Variants in EXOC2 observed in about 807,000 individuals in gnomAD.
EXOC2 encodes exocyst complex component 2.
A neutral mutation model predicts 131.8 loss-of-function variants in EXOC2; 70 were observed. The ratio of observed to expected loss-of-function variants is 0.53; its 90% CI spans 0.44 to 0.65. The LOEUF (loss-of-function observed/expected upper bound fraction) is 0.65. Ranked by LOEUF, EXOC2 falls within the 30% of genes least tolerant of loss-of-function variation. The probability of loss-of-function intolerance (pLI) is 0.00; values close to 1 mark genes in which losing one functional copy is unlikely to be tolerated. For synonymous variants in EXOC2, 411 were observed against 398.4 expected, an observed-to-expected ratio of 1.03 and a Z score of -0.38; for missense variants, 923 against 1,108.6, an observed-to-expected ratio of 0.83 and a Z score of 2.38.
chr6:552,308 C>G (rs144713899), intron 21 of EXOC2, among the ~76,000 whole-genome samples: 1 of 152,238 alleles, frequency 6.6e-6, no homozygotes, highest in Non-Finnish European at 1.5e-5. Flanking sequence ...GTGTGTCGTT[C>G]CCTAATGCTT....
intron 11 of EXOC2, among the ~76,000 whole-genome samples, chr6:584,368 AG>A (rs1759085815): frequency 6.6e-6 from 1 of 152,242 alleles, no homozygotes; most frequent in African/African-American, 2.4e-5. Flanking sequence ...AAGATATAAC[AG>A]TTTATACTAT....
intron 11 of EXOC2, among the ~76,000 whole-genome samples, chr6:591,786 A>G (rs1159872260): frequency 6.6e-6 from 1 of 152,164 alleles, no homozygotes; most frequent in Non-Finnish European, 1.5e-5. Context: ...TCTCCAAATG[A>G]TAGTATACAA....
chr6:623,726 C>T (rs928947588), intron 4 of EXOC2, among the ~76,000 whole-genome samples: 2 of 152,186 alleles, frequency 1.3e-5, no homozygotes, highest in Non-Finnish European at 2.9e-5. Flanking sequence ...TTGTCATATT[C>T]CCCCTGCTCT....
At chr6:620,155 C>A (rs756352429) in intron 4 of EXOC2, among the ~76,000 whole-genome samples, 11 of 152,234 alleles carry the variant, frequency 7.2e-5, no homozygotes, top group Non-Finnish European at 1.3e-4. Flanking sequence ...AGACTGACTT[C>A]TGGATCAATT....
At chr6:494,214 A>T (rs1189873075) in intron 25 of EXOC2, among the ~76,000 whole-genome samples, 1 of 152,224 alleles carries the variant, frequency 6.6e-6, no homozygotes, top group East Asian at 1.9e-4. Flanking sequence ...TCCCCTAACC[A>T]AATTAACAAG....
intron 11 of EXOC2, among the ~76,000 whole-genome samples, chr6:585,267 C>A (rs376261270): frequency 1.1e-4 from 16 of 152,210 alleles, no homozygotes; most frequent in East Asian, 9.6e-4. Context: ...CTTTTTCCAC[C>A]CTTAGAAAAA....
At chr6:592,683 G>C in intron 10 of EXOC2, 96 bp from the exon 11 acceptor site, 2 of 827,154 alleles carry the variant, frequency 2.4e-6, no homozygotes, top group Non-Finnish European at 4.0e-6. Flanking sequence ...AATTAGTCTT[G>C]TGCCCTGTCA....
At chr6:680,919 C>T (rs1233715812) in intron 1 of EXOC2, among the ~76,000 whole-genome samples, 2 of 152,170 alleles carry the variant, frequency 1.3e-5, no homozygotes, top group African/African-American at 2.4e-5. Context: ...GCCGGGCTGA[C>T]CAGATCTGGG....
chr6:656,189 G>A, intron 1 of EXOC2: 1 of 1,614,152 alleles, frequency 6.2e-7, no homozygotes, highest in Non-Finnish European at 8.5e-7. Context: ...CCCAAATATT[G>A]CACAGGGCCG....
intron 23 of EXOC2, chr6:524,123 G>A (rs144168810): frequency 1.3e-5 from 2 of 152,268 alleles, no homozygotes; most frequent in Non-Finnish European, 2.9e-5. Context: ...AGCAATATAT[G>A]CTGAGTGGAA....
At chr6:557,275 TA>T (rs1364323131) in intron 17 of EXOC2, among the ~76,000 whole-genome samples, 1 of 152,080 alleles carries the variant, frequency 6.6e-6, no homozygotes, top group Non-Finnish European at 1.5e-5. Context: ...CAAAATGGTT[TA>T]AAAAAGTATA....
At chr6:573,667 T>A (rs1430645077) in intron 12 of EXOC2, among the ~76,000 whole-genome samples, 2 of 145,586 alleles carry the variant, frequency 1.4e-5, no homozygotes, top group Non-Finnish European at 3.0e-5. Context: ...TTAATAAAAT[T>A]TCTTAATTTT....
intron 17 of EXOC2, among the ~76,000 whole-genome samples, chr6:561,770 G>C (rs1757711072): frequency 6.6e-6 from 1 of 152,122 alleles, no homozygotes; most frequent in African/African-American, 2.4e-5. Context: ...ATTTTTAGTA[G>C]AGACGGGGTT....
intron 12 of EXOC2, 38 bp from the exon 13 acceptor site, chr6:572,682 C>G: frequency 1.3e-6 from 2 of 1,598,036 alleles, no homozygotes; most frequent in South Asian, 2.3e-5. Context: ...GATTGTACTT[C>G]TGAATCAAGA....
Position 564,053 on chromosome 6 carries a change from G to A in EXOC2, c.1769C>T (p.Thr590Met), listed in dbSNP as rs1187970884. ...CACACCTTCCGCCGTGTGCTGCAAC[G>A]TGGCCATTACGCAACGTACTCGGAG... ...LDLRVRCVMA[T>M]LQHTAEEIKR... Residue 590 changes from threonine (T) to methionine (M), a missense_variant, in exon 16 of 28, where the codon ACG (threonine) becomes ATG (methionine). Physicochemically the swap from Thr to Met is moderately conservative, Grantham distance 81 (BLOSUM62 -1). Coordinates refer to ENST00000230449, the MANE Select transcript of EXOC2 (RefSeq NM_018303.6). The A allele has an allele frequency of 1.9e-6, 3 of 1,614,068 alleles. No homozygotes were observed. Among genetic ancestry groups the A allele is most frequent in the East Asian group, 2.2e-5 (1 of 44,882 alleles).
At chr6:607,730 CAG>C (rs1262923877) in intron 7 of EXOC2, among the ~76,000 whole-genome samples, 2 of 152,168 alleles carry the variant, frequency 1.3e-5, no homozygotes, top group Non-Finnish European at 2.9e-5. Flanking sequence ...GGTAAGAACA[CAG>C]AGTTGAATAT....
intron 25 of EXOC2, 139 bp from the exon 26 acceptor site, chr6:491,325 G>A (rs954291955): frequency 9.2e-6 from 7 of 759,606 alleles, no homozygotes; most frequent in African/African-American, 1.8e-5. Flanking sequence ...CGCCAGTCAT[G>A]AGTAGAGTTT....
rs1763662294 is a variant in EXOC2 at position 667,104 on chromosome 6, TTGTC to T, written c.-44+25911_-44+25914del. Among the ~76,000 whole-genome samples, 3 of 97,368 alleles carry T rather than the reference TTGTC, an allele frequency of 3.1e-5. 1 individual carries two copies. The highest frequency in any genetic ancestry group is 9.1e-5 in the African/African-American group (3 of 32,838). The allele number at this position is 97,368 out of a possible 152,430, so 63.9% of individuals were successfully genotyped here. A position where few individuals can be genotyped will look rare whatever the true frequency, so the allele number is the denominator to read the frequency against. On this transcript the variant is annotated intron_variant, in intron 1 of 27. Transcript: ENST00000230449. ...TGCTGTTATTCTTCAGAACAAACAG[TTGTC>T]TGTCAGATCAATTAATAAGAAAAAC...
intron 21 of EXOC2, among the ~76,000 whole-genome samples, chr6:550,123 C>T (rs1428725566): frequency 9.2e-5 from 14 of 152,244 alleles, no homozygotes; most frequent in Admixed American, 8.5e-4. Context: ...CGCAGGCAGG[C>T]GGGCCTTCTC....
Sources: allele counts gnomAD v4.1 joint callset (sites outside exome capture counted in the v4.1 genomes callset), GRCh38; gene constraint gnomAD v4.1.1; transcripts MANE v1.5; gene names NCBI Gene and HGNC (gene_info 2026-07-23, HGNC 2026-07-21).